Variants in CTNNA3 observed in about 807,000 individuals in gnomAD.
The protein encoded by CTNNA3 is catenin alpha-3.
A neutral mutation model predicts 95.7 loss-of-function variants in CTNNA3; 76 were observed. That is an observed-to-expected ratio of 0.79 (90% CI 0.66 to 0.96). The LOEUF is 0.96. Among genes scored for constraint, CTNNA3 ranks in the 40% least tolerant of loss-of-function variants. CTNNA3 has a pLI of 0.00. For missense variants in CTNNA3, 1,191 were observed against 1,089.8 expected (o/e 1.09, Z -1.31); for synonymous variants, 431 against 374.4 (o/e 1.15, Z -1.74).
chr10:65,939,405 C>T (rs961954078), intron 17 of CTNNA3, among the ~76,000 whole-genome samples: 82 of 152,156 alleles, frequency 5.4e-4, no homozygotes, highest in African/African-American at 1.9e-3. Context: ...TCTAGGTCCT[C>T]CACAGACCCT....
intron 7 of CTNNA3, among the ~76,000 whole-genome samples, chr10:66,806,463 A>G (rs886610429): frequency 6.6e-6 from 1 of 152,094 alleles, no homozygotes; most frequent in African/African-American, 2.4e-5. Context: ...TATGTTGTAC[A>G]CTTAAAGACG....
chr10:67,727,093 A>ATATAAT (rs1841237364), intron 1 of CTNNA3, among the ~76,000 whole-genome samples: 3 of 118,190 alleles, frequency 2.5e-5, no homozygotes, highest in South Asian at 2.4e-4. Context: ...TGATATAATT[A>ATATAAT]TATATAATAT....
At chr10:67,293,741 C>T (rs1176337352) in intron 5 of CTNNA3, among the ~76,000 whole-genome samples, 1 of 147,902 alleles carries the variant, frequency 6.8e-6, no homozygotes, top group Admixed American at 6.9e-5. Context: ...TGTTCAATTC[C>T]CACCTATGAG....
At chr10:66,299,675 T>G (rs1025760365) in intron 12 of CTNNA3, among the ~76,000 whole-genome samples, 1 of 152,034 alleles carries the variant, frequency 6.6e-6, no homozygotes, top group African/African-American at 2.4e-5. Context: ...ATATGTAAAC[T>G]GGAAGACAGA....
At position 67,115,058 on chromosome 10, in the gene CTNNA3, C is replaced by G. The variant is rs188644825; in HGVS notation, c.1047+65259G>C. Among the ~76,000 whole-genome samples, 296 of 152,222 alleles carry G rather than the reference C, an allele frequency of 1.9e-3. 1 individual carries two copies. Among genetic ancestry groups the G allele is most frequent in the Non-Finnish European group, 3.3e-3 (224 of 68,004 alleles). ...GCTCAGAACTTCCACAGTTCTTTCA[C>G]AAGCTCAGATCATATCTCTTGGAGC... On this transcript the variant is annotated intron_variant, in intron 7 of 17. Coordinates refer to ENST00000433211, the MANE Select transcript of CTNNA3 (RefSeq NM_013266.4).
intron 5 of CTNNA3, among the ~76,000 whole-genome samples, chr10:67,312,679 T>C (rs1840862166): frequency 6.6e-6 from 1 of 152,238 alleles, no homozygotes; most frequent in Admixed American, 6.5e-5. Context: ...AAACCTGTGT[T>C]TTGTTCATTA....
chr10:66,624,293 G>T (rs910408307), intron 9 of CTNNA3, among the ~76,000 whole-genome samples: 1 of 152,122 alleles, frequency 6.6e-6, no homozygotes, highest in Non-Finnish European at 1.5e-5. Context: ...TCACTGGGAT[G>T]CTTTGAGAAT....
chr10:66,143,875 T>A (rs1427281415), intron 13 of CTNNA3, among the ~76,000 whole-genome samples: 1 of 152,240 alleles, frequency 6.6e-6, no homozygotes, highest in South Asian at 2.1e-4. Context: ...TTAAACCATA[T>A]GACATTTCTA....
At chr10:67,031,387 T>A (rs1281615954) in intron 7 of CTNNA3, among the ~76,000 whole-genome samples, 1 of 152,202 alleles carries the variant, frequency 6.6e-6, no homozygotes. Context: ...ATATCATTCT[T>A]CGTCTTCACT....
intron 13 of CTNNA3, among the ~76,000 whole-genome samples, chr10:66,104,703 T>C (rs951223691): frequency 1.3e-5 from 2 of 152,194 alleles, no homozygotes; most frequent in Non-Finnish European, 1.5e-5. Context: ...TTAGGTTTCA[T>C]AGAAAACAAC....
chr10:66,128,966 A>C (rs1329296966), intron 13 of CTNNA3, among the ~76,000 whole-genome samples: 1 of 151,302 alleles, frequency 6.6e-6, no homozygotes, highest in East Asian at 1.9e-4. Flanking sequence ...AAAAAACAAA[A>C]AACAAAAAAA....
intron 2 of CTNNA3, among the ~76,000 whole-genome samples, chr10:67,626,996 G>T (rs1388675397): frequency 1.3e-5 from 2 of 152,090 alleles, no homozygotes; most frequent in Non-Finnish European, 2.9e-5. Context: ...TAGGTCTACT[G>T]GTCACACAGG....
chr10:66,709,524 CAG>C (rs1452370133), intron 9 of CTNNA3, among the ~76,000 whole-genome samples: 1 of 91,400 alleles, frequency 1.1e-5, no homozygotes, highest in African/African-American at 2.8e-5. Context: ...TGTCTCAAAA[CAG>C]AAATTATTTC....
chr10:66,557,981 T>C (rs1398843435), intron 10 of CTNNA3, among the ~76,000 whole-genome samples: 1 of 152,090 alleles, frequency 6.6e-6, no homozygotes, highest in Non-Finnish European at 1.5e-5. Flanking sequence ...GTATTTCCAG[T>C]ATATATATTT....
intron 15 of CTNNA3, among the ~76,000 whole-genome samples, chr10:66,011,155 C>T (rs896732358): frequency 8.5e-5 from 13 of 152,176 alleles, no homozygotes; most frequent in South Asian, 8.3e-4. Context: ...TTCAGCCTAT[C>T]TGTGGTCACC....
intron 7 of CTNNA3, among the ~76,000 whole-genome samples, chr10:67,037,320 T>C (rs16923961): frequency 0.02 from 3,027 of 150,014 alleles, 105 homozygotes; most frequent in African/African-American, 0.07. Context: ...AGCAAAATCA[T>C]ATTCAGCAGT....
At chr10:67,531,018 T>C (rs933884458) in intron 4 of CTNNA3, among the ~76,000 whole-genome samples, 1 of 152,228 alleles carries the variant, frequency 6.6e-6, no homozygotes, top group East Asian at 1.9e-4. Context: ...AGTCAAAAAT[T>C]GAGGTTTGGG....
At chr10:66,509,490 A>T (rs1279335459) in intron 11 of CTNNA3, among the ~76,000 whole-genome samples, 1 of 151,744 alleles carries the variant, frequency 6.6e-6, no homozygotes, top group Non-Finnish European at 1.5e-5. Context: ...TACTAGTTTT[A>T]TAGTTTCAGT....
intron 9 of CTNNA3, among the ~76,000 whole-genome samples, chr10:66,637,984 T>C (rs912644389): frequency 6.6e-6 from 1 of 152,126 alleles, no homozygotes; most frequent in Non-Finnish European, 1.5e-5. Flanking sequence ...ATTATGCTGT[T>C]TGTCCAGGCA....
Sources: allele counts gnomAD v4.1 joint callset (sites outside exome capture counted in the v4.1 genomes callset), GRCh38; gene constraint gnomAD v4.1.1; transcripts MANE v1.5; gene names NCBI Gene and HGNC (gene_info 2026-07-23, HGNC 2026-07-21).